The following RAB31 variants were observed in gnomAD, a reference collection of about 807,000 sequenced individuals.
RAB31 encodes the protein ras-related protein Rab-31.
A neutral mutation model predicts 25.6 loss-of-function variants in RAB31; 21 were observed. The observed-to-expected ratio is 0.82, with a 90% CI of 0.58 to 1.18. RAB31 has a LOEUF of 1.18. Ranked by LOEUF, RAB31 falls within the 50% of genes most tolerant of loss-of-function variation. RAB31 has a pLI of 0.00. For missense variants in RAB31, 196 were observed against 250.1 expected (o/e 0.78, Z 1.46); for synonymous variants, 87 against 84.0 (o/e 1.04, Z -0.20).
chr18:9,818,117 A>G (rs561830611), intron 5 of RAB31, among the ~76,000 whole-genome samples: 2 of 152,244 alleles, frequency 1.3e-5, no homozygotes, highest in African/African-American at 4.8e-5. Flanking sequence ...GAATCAAGCA[A>G]CAAGAAGCTG....
Position 9,719,336 on chromosome 18 carries a change from T to TAA in RAB31, c.39+10894_39+10895dup, listed in dbSNP as rs1555683169. The stretch of plus-strand genomic sequence containing the variant: ...ATATATATATATATATATAAATAAA[T>TAA]AAATTTGATCTAATTATGAGGGAGG... On this transcript the variant is annotated intron_variant, in intron 1 of 6. Coordinates refer to ENST00000578921, the MANE Select transcript of RAB31 (RefSeq NM_006868.4). 2.3e-3 allele frequency among the ~76,000 whole-genome samples: 192 copies of TAA among 83,796 alleles called. 3 individuals carry two copies. Among genetic ancestry groups the TAA allele is most frequent in the East Asian group, 9.7e-3 (21 of 2,172 alleles). The allele number at this position is 83,796 out of a possible 152,430, so 55.0% of individuals were successfully genotyped here. A position where few individuals can be genotyped will look rare whatever the true frequency, so the allele number is the denominator to read the frequency against.
intron 1 of RAB31, among the ~76,000 whole-genome samples, chr18:9,762,719 C>T (rs1306442357): frequency 6.6e-6 from 1 of 152,146 alleles, no homozygotes; most frequent in Admixed American, 6.5e-5. Flanking sequence ...ATGGAACTTG[C>T]TCTTCTTCCC....
chr18:9,824,991 G>A (rs2068643056), intron 5 of RAB31, among the ~76,000 whole-genome samples: 23 of 152,202 alleles, frequency 1.5e-4, no homozygotes, highest in Admixed American at 1.5e-3. Flanking sequence ...CCCTCCCCAT[G>A]AATGTTCTGG....
intron 3 of RAB31, among the ~76,000 whole-genome samples, chr18:9,802,368 A>C (rs2068518261): frequency 6.6e-6 from 1 of 152,240 alleles, no homozygotes; most frequent in East Asian, 1.9e-4. Context: ...CTGACCTCAG[A>C]GAAAAAATTT....
chr18:9,725,056 C>T (rs2068090874), intron 1 of RAB31, among the ~76,000 whole-genome samples: 1 of 152,160 alleles, frequency 6.6e-6, no homozygotes, highest in African/African-American at 2.4e-5. Context: ...ACCTGGGTAG[C>T]TTGGGCTTCC....
At chr18:9,824,378 G>A (rs1232484922) in intron 5 of RAB31, among the ~76,000 whole-genome samples, 6 of 150,224 alleles carry the variant, frequency 4.0e-5, no homozygotes, top group African/African-American at 1.5e-4. Flanking sequence ...GTGTGTAGAT[G>A]TGTATGTGTG....
chr18:9,808,298 A>C (rs2068552720), intron 3 of RAB31, among the ~76,000 whole-genome samples: 1 of 152,212 alleles, frequency 6.6e-6, no homozygotes, highest in Non-Finnish European at 1.5e-5. Context: ...AGGTTTTTTG[A>C]ATAATTCAGA....
chr18:9,774,757 A>G lies in RAB31; in HGVS notation c.40-521A>G, dbSNP rs1437984327. The G allele has an allele frequency of 2.3e-5, 11 of 474,002 alleles. No individual in the cohort carries two copies. In the East Asian group the frequency reaches 5.6e-4, roughly 24 times the overall value. 29.4% of individuals were successfully genotyped at this position (474,002 alleles called of 1,614,324 possible). On this transcript the variant is annotated intron_variant, in intron 1 of 6. Transcript: ENST00000578921. Reference sequence around the variant, plus strand: ...GAAAGAACTGAGACAAGACCATTATATAATTAAGCAAAATTTGGAAGTTAT... The same window carrying G: ...GAAAGAACTGAGACAAGACCATTATGTAATTAAGCAAAATTTGGAAGTTAT...
intron 5 of RAB31, among the ~76,000 whole-genome samples, chr18:9,831,723 C>T (rs2068679542): frequency 6.6e-6 from 1 of 152,218 alleles, no homozygotes; most frequent in Admixed American, 6.5e-5. Flanking sequence ...TGAACTCTTT[C>T]CACTCCCCAA....
intron 5 of RAB31, among the ~76,000 whole-genome samples, chr18:9,836,252 TC>T (rs1035151628): frequency 9.1e-4 from 139 of 152,234 alleles, no homozygotes; most frequent in African/African-American, 3.2e-3. Context: ...AATGTTACAT[TC>T]CAGGAGTCTG....
At chr18:9,759,951 G>A (rs2068279490) in intron 1 of RAB31, among the ~76,000 whole-genome samples, 1 of 152,030 alleles carries the variant, frequency 6.6e-6, no homozygotes, top group South Asian at 2.1e-4. Context: ...GACTAAGGTG[G>A]TCCCCGTGAG....
At chr18:9,761,806 GTTTA>G (rs1057200489) in intron 1 of RAB31, among the ~76,000 whole-genome samples, 25 of 152,220 alleles carry the variant, frequency 1.6e-4, no homozygotes, top group Non-Finnish European at 3.4e-4. Flanking sequence ...TCTTTCATTT[GTTTA>G]TTTATTTATT....
At chr18:9,853,948 C>A (rs1480918666) in intron 6 of RAB31, among the ~76,000 whole-genome samples, 20 of 111,410 alleles carry the variant, frequency 1.8e-4, no homozygotes, top group Non-Finnish European at 3.1e-4. Flanking sequence ...TTCTTTTTTT[C>A]TTTTCTTTTC....
chr18:9,812,657 C>T (rs2068579024), intron 3 of RAB31, among the ~76,000 whole-genome samples: 2 of 135,198 alleles, frequency 1.5e-5, no homozygotes, highest in African/African-American at 5.5e-5. Context: ...CCATCTTTTT[C>T]TTATTGACTT....
At chr18:9,771,226 A>G (rs75603113) in intron 1 of RAB31, among the ~76,000 whole-genome samples, 3,396 of 152,240 alleles carry the variant, frequency 0.022, 121 homozygotes, top group African/African-American at 0.077. Flanking sequence ...TAACCTAGTG[A>G]GAGCCTTAAG....
At chr18:9,850,308 A>G (rs1339155228) in intron 6 of RAB31, among the ~76,000 whole-genome samples, 1 of 152,124 alleles carries the variant, frequency 6.6e-6, no homozygotes, top group African/African-American at 2.4e-5. Context: ...TTTTATTTTT[A>G]GAGATGAGGT....
chr18:9,839,516 G>T lies in RAB31; in HGVS notation c.381-6066G>T, dbSNP rs568650887. Among the ~76,000 whole-genome samples the T allele has an allele frequency of 7.1e-4, 108 of 152,324 alleles. 1 individual carries two copies. The highest frequency in any genetic ancestry group is 1.4e-3 in the Non-Finnish European group (96 of 68,026). ...GGGTGTCCCTGTGAGAAGCGAAGAG[G>T]GGGTGACTGCAGCAGAGGCAGCGGA... On this transcript the variant is annotated intron_variant, in intron 5 of 6. Coordinates refer to ENST00000578921, the MANE Select transcript of RAB31 (RefSeq NM_006868.4).
chr18:9,795,298 C>T (rs2068481567), intron 3 of RAB31, among the ~76,000 whole-genome samples: 1 of 152,156 alleles, frequency 6.6e-6, no homozygotes, highest in Non-Finnish European at 1.5e-5. Flanking sequence ...TAGAAGATAA[C>T]ATTGGAGAAG....
intron 1 of RAB31, among the ~76,000 whole-genome samples, chr18:9,737,340 G>C (rs1166144974): frequency 6.6e-6 from 1 of 152,004 alleles, no homozygotes; most frequent in Non-Finnish European, 1.5e-5. Flanking sequence ...CCCACACACT[G>C]TTTCCTTATG....
Sources: gnomAD v4.1 joint callset for allele counts (sites outside exome capture counted in the v4.1 genomes callset) on GRCh38, gnomAD v4.1.1 for gene constraint, MANE v1.5 for transcripts, NCBI Gene and HGNC (gene_info 2026-07-23, HGNC 2026-07-21) for gene names.